The following KIAA0930 variants were observed in gnomAD, a reference collection of about 807,000 sequenced individuals.
KIAA0930 encodes the protein uncharacterized protein KIAA0930.
In KIAA0930, 24 loss-of-function variants were observed where a neutral mutation model predicts 43.9. The observed-to-expected ratio is 0.55, with a 90% confidence interval of 0.40 to 0.77. The LOEUF is 0.77. Ranked by LOEUF, KIAA0930 falls within the 30% of genes least tolerant of loss-of-function variation. KIAA0930 has a pLI of 0.00. For missense variants in KIAA0930, 461 were observed against 574.2 expected, an observed-to-expected ratio of 0.80 and a Z score of 2.02; for synonymous variants, 259 against 216.4, an observed-to-expected ratio of 1.20 and a Z score of -1.73.
At chr22:45,211,896 G>A in intron 2 of KIAA0930, 60 bp downstream of exon 2, 1 of 1,546,656 alleles carries the variant, frequency 6.5e-7, no homozygotes, top group Non-Finnish European at 8.8e-7. Flanking sequence ...TACACCGAGA[G>A]CAGACACCAC....
rs752298111 is a variant in KIAA0930, at chr22:45,218,333, A to ATTTTTT, written c.65-6232_65-6227dup. On this transcript the variant is annotated intron_variant, in intron 1 of 9. Coordinates refer to ENST00000336156, the MANE Select transcript of KIAA0930 (RefSeq NM_001009880.2). ...CCATCACACCCAGCTAATTTTTTTG[A>ATTTTTT]TTTTTTTTTTTTTTTTTTTTTTTTT... is the stretch of plus-strand genomic sequence containing the variant. Among the ~76,000 whole-genome samples the ATTTTTT allele has an allele frequency of 4.2e-3, 219 of 51,698 alleles. 16 individuals carry two copies. The highest frequency in any genetic ancestry group is 0.015 in the African/African-American group (185 of 12,294). 33.9% of individuals were successfully genotyped at this position (51,698 alleles called of 152,430 possible). A position where few individuals can be genotyped will look rare whatever the true frequency, so the allele number is the denominator to read the frequency against.
chr22:45,223,797 G>A (rs963379323), intron 1 of KIAA0930, among the ~76,000 whole-genome samples: 1 of 141,362 alleles, frequency 7.1e-6, no homozygotes, highest in African/African-American at 2.8e-5. Flanking sequence ...GGTCAGCACT[G>A]AGACAGCACC....
chr22:45,234,998 A>AG (rs2083878182), intron 1 of KIAA0930, among the ~76,000 whole-genome samples: 1 of 77,810 alleles, frequency 1.3e-5, no homozygotes, highest in Non-Finnish European at 2.9e-5. Context: ...TGTGCATGTG[A>AG]CTTTTTTTTT....
At chr22:45,215,027 G>A (rs1462088596) in intron 1 of KIAA0930, among the ~76,000 whole-genome samples, 1 of 152,186 alleles carries the variant, frequency 6.6e-6, no homozygotes, top group Non-Finnish European at 1.5e-5. Flanking sequence ...AGACCAGCCT[G>A]AGCAACATGG....
At chr22:45,213,399 G>A (rs372977042) in intron 1 of KIAA0930, 2 of 1,302,092 alleles carry the variant, frequency 1.5e-6, no homozygotes, top group South Asian at 2.5e-5. Context: ...CATCGGTGAG[G>A]GTCTGGGTCA....
At chr22:45,209,826 G>A (rs539174663) in intron 2 of KIAA0930, among the ~76,000 whole-genome samples, 3 of 152,244 alleles carry the variant, frequency 2.0e-5, no homozygotes, top group East Asian at 3.9e-4. Context: ...ACCTGCTCCC[G>A]TGGGACTCAG....
intron 1 of KIAA0930, among the ~76,000 whole-genome samples, chr22:45,217,190 A>G (rs780862109): frequency 5.9e-5 from 9 of 151,948 alleles, no homozygotes; most frequent in Non-Finnish European, 7.4e-5. Context: ...GCAAAACCCC[A>G]TCTCTACTAA....
intron 2 of KIAA0930, 46 bp downstream of exon 2, chr22:45,211,910 G>T (rs758655638): frequency 2.5e-6 from 4 of 1,588,316 alleles, no homozygotes; most frequent in Non-Finnish European, 3.4e-6. Context: ...ACACCACAGG[G>T]ATGCTTGGGG....
chr22:45,203,352 GCCTGGTGCCCCT>G lies in KIAA0930; in HGVS notation c.658-180_658-169del, dbSNP rs774634304. 7.5e-4 allele frequency among the ~76,000 whole-genome samples: 114 copies of G among 152,290 alleles called. 1 individual carries two copies. In the Middle Eastern group the frequency reaches 0.01, roughly 14 times the overall value. On this transcript the variant is annotated intron_variant, in intron 6 of 9. Coordinates refer to ENST00000336156, the MANE Select transcript of KIAA0930 (RefSeq NM_001009880.2). ...GCAGCTGGAATGGACCCACATCTCT[GCCTGGTGCCCCT>G]CCTGGTGCCCCTCCCACCGCCCCAT...
chr22:45,237,519 T>G (rs2083894612), intron 1 of KIAA0930, among the ~76,000 whole-genome samples: 1 of 152,196 alleles, frequency 6.6e-6, no homozygotes, highest in South Asian at 2.1e-4. Flanking sequence ...CTTAGTCCCA[T>G]CTCAGAGACA....
intron 2 of KIAA0930, chr22:45,207,894 G>C (rs1333454100): frequency 5.9e-6 from 1 of 168,942 alleles, no homozygotes; most frequent in Non-Finnish European, 1.5e-5. Flanking sequence ...CCTGAGCTGA[G>C]AGTCCTGGGG....
intron 1 of KIAA0930, chr22:45,226,290 G>T (rs528676454): frequency 4.2e-6 from 2 of 471,148 alleles, no homozygotes; most frequent in Middle Eastern, 3.2e-4. Context: ...TAAGGAAACC[G>T]AGACCTTCAA....
At chr22:45,232,597 C>T (rs2083860833) in intron 1 of KIAA0930, among the ~76,000 whole-genome samples, 1 of 152,198 alleles carries the variant, frequency 6.6e-6, no homozygotes, top group Non-Finnish European at 1.5e-5. Flanking sequence ...GGACTCTCTC[C>T]ATCCCAGCTC....
At position 45,197,026 on chromosome 22, in the gene KIAA0930, GC is replaced by G. The variant is rs1457900711; in HGVS notation, c.*149del. The G allele has an allele frequency of 1.1e-5, 7 of 630,676 alleles. No homozygotes were observed. Among genetic ancestry groups the G allele is most frequent in the African/African-American group, 3.8e-5 (2 of 52,032 alleles). 39.1% of individuals were successfully genotyped at this position (630,676 alleles called of 1,614,324 possible). A position where few individuals can be genotyped will look rare whatever the true frequency, so the allele number is the denominator to read the frequency against. ...GTTTGGGCTGGTGTTCGTGGAGTCG[GC>G]CCCGGCCCCGGGAGTCGAGTGGCCT... On this transcript the variant is annotated 3_prime_UTR_variant, in exon 10 of 10. Transcript: ENST00000336156.
chr22:45,227,417 C>G (rs1023226950), intron 1 of KIAA0930, among the ~76,000 whole-genome samples: 1 of 152,036 alleles, frequency 6.6e-6, no homozygotes, highest in African/African-American at 2.4e-5. Flanking sequence ...TATGCCAGGA[C>G]AGGCCCACCC....
chr22:45,226,187 CCTGT>C (rs2083799160), intron 1 of KIAA0930: 1 of 457,942 alleles, frequency 2.2e-6, no homozygotes, highest in Non-Finnish European at 4.6e-6. Flanking sequence ...TATTCATGGG[CCTGT>C]CTTAGACTTG....
At chr22:45,213,366 G>A in intron 1 of KIAA0930, 1 of 1,303,558 alleles carries the variant, frequency 7.7e-7, no homozygotes, top group South Asian at 1.2e-5. Context: ...GGCAGTGAGA[G>A]GGAGGAAAAG....
At chr22:45,230,574 C>T (rs1041170048) in intron 1 of KIAA0930, among the ~76,000 whole-genome samples, 2 of 145,512 alleles carry the variant, frequency 1.4e-5, no homozygotes, top group Non-Finnish European at 3.0e-5. Flanking sequence ...TACCCCAGAT[C>T]ACATTCTTTT....
chr22:45,197,698 G>T (rs1569069853), intron 9 of KIAA0930, 92 bp downstream of exon 9: 25 of 1,380,696 alleles, frequency 1.8e-5, no homozygotes, highest in Non-Finnish European at 2.0e-6. Context: ...GACAGGGCGG[G>T]ATGACTCCGG....
Sources: gnomAD v4.1 joint callset for allele counts (sites outside exome capture counted in the v4.1 genomes callset) on GRCh38, gnomAD v4.1.1 for gene constraint, MANE v1.5 for transcripts, NCBI Gene and HGNC (gene_info 2026-07-23, HGNC 2026-07-21) for gene names.